Variants in TNNI3K observed in about 807,000 individuals in gnomAD.
The protein encoded by TNNI3K is serine/threonine-protein kinase TNNI3K.
TNNI3K carries 140 observed loss-of-function variants against 114.5 expected under a neutral mutation model. That is an observed-to-expected ratio of 1.22 (90% CI 1.07 to 1.41). The LOEUF (loss-of-function observed/expected upper bound fraction) is 1.41. Among genes scored for constraint, TNNI3K ranks in the 40% most tolerant of loss-of-function variants. The probability of loss-of-function intolerance (pLI) is 0.00; values close to 1 mark genes in which losing one functional copy is unlikely to be tolerated. For missense variants in TNNI3K, 1,125 were observed against 1,007.6 expected (o/e 1.12, Z -1.58); for synonymous variants, 347 against 347.5 (o/e 1.00, Z 0.02).
At chr1:74,516,206 T>G (rs1429750817) in intron 23 of TNNI3K, among the ~76,000 whole-genome samples, 3 of 152,198 alleles carry the variant, frequency 2.0e-5, no homozygotes, top group Non-Finnish European at 4.4e-5. Context: ...AAATTTCCCA[T>G]TAGCCAGGAA....
At chr1:74,377,534 G>T (rs1260048867) in intron 17 of TNNI3K, among the ~76,000 whole-genome samples, 2 of 152,010 alleles carry the variant, frequency 1.3e-5, no homozygotes, top group Non-Finnish European at 2.9e-5. Context: ...CATGGTTTAT[G>T]TAAGTACTAT....
At chr1:74,509,581 A>T (rs1201963258) in intron 23 of TNNI3K, among the ~76,000 whole-genome samples, 2 of 152,180 alleles carry the variant, frequency 1.3e-5, no homozygotes, top group African/African-American at 4.8e-5. Flanking sequence ...AACATAGAGG[A>T]CAATGAATTA....
intron 4 of TNNI3K, among the ~76,000 whole-genome samples, chr1:74,267,080 C>A (rs906550615): frequency 2.0e-5 from 3 of 151,916 alleles, no homozygotes; most frequent in Admixed American, 6.6e-5. Flanking sequence ...CTAGAGAGTG[C>A]ATAAAGGAAA....
chr1:74,289,460 A>C (rs1003921779), intron 5 of TNNI3K, among the ~76,000 whole-genome samples: 1 of 151,928 alleles, frequency 6.6e-6, no homozygotes, highest in Non-Finnish European at 1.5e-5. Flanking sequence ...TCTACAAAAA[A>C]GAAGTCGAAC....
intron 20 of TNNI3K, among the ~76,000 whole-genome samples, chr1:74,442,180 T>G (rs981034098): frequency 2.0e-5 from 3 of 152,038 alleles, no homozygotes; most frequent in African/African-American, 7.2e-5. Context: ...TTTGTTTTTT[T>G]TAATACAGAT....
intron 19 of TNNI3K, among the ~76,000 whole-genome samples, chr1:74,437,867 G>T (rs559277999): frequency 2.6e-5 from 4 of 151,822 alleles, no homozygotes; most frequent in African/African-American, 9.6e-5. Context: ...GACTGATCTT[G>T]AGTTCCTGCA....
chr1:74,316,522 C>T (rs527352702), intron 5 of TNNI3K, among the ~76,000 whole-genome samples: 1 of 152,174 alleles, frequency 6.6e-6, no homozygotes, highest in Non-Finnish European at 1.5e-5. Context: ...ACCTGCTTTT[C>T]TCTACCCGGA....
intron 13 of TNNI3K, among the ~76,000 whole-genome samples, chr1:74,368,169 C>T (rs1314466879): frequency 6.6e-6 from 1 of 151,746 alleles, no homozygotes; most frequent in Non-Finnish European, 1.5e-5. Flanking sequence ...GTGAAAATTT[C>T]ACATAACTAT....
At chr1:74,490,407 AG>A (rs1035513893) in intron 22 of TNNI3K, among the ~76,000 whole-genome samples, 1 of 152,160 alleles carries the variant, frequency 6.6e-6, no homozygotes, top group Non-Finnish European at 1.5e-5. Flanking sequence ...GGTTTGAGTG[AG>A]TTTGCTTCGA....
At chr1:74,414,289 A>T (rs148236575) in intron 17 of TNNI3K, among the ~76,000 whole-genome samples, 1 of 152,234 alleles carries the variant, frequency 6.6e-6, no homozygotes, top group African/African-American at 2.4e-5. Context: ...GTAAGAGTCT[A>T]ATAGTGTTTC....
At chr1:74,394,141 G>A (rs767442478) in intron 17 of TNNI3K, among the ~76,000 whole-genome samples, 64 of 152,292 alleles carry the variant, frequency 4.2e-4, no homozygotes, top group Non-Finnish European at 7.6e-4. Flanking sequence ...CTGGTTCAAG[G>A]TAATGCTATC....
In TNNI3K at chr1:74,250,630, A is replaced by G. The variant is rs781437478; in HGVS notation, c.236-42A>G. 13 of 1,584,940 alleles carry G rather than the reference A, an allele frequency of 8.2e-6. No homozygotes were observed. The South Asian group carries it at 1.3e-4, about 15-fold the overall frequency. On this transcript the variant is annotated intron_variant, in intron 3 of 24. Coordinates refer to ENST00000326637, the MANE Select transcript of TNNI3K (RefSeq NM_015978.3). ...TCAAAAAGAGTCTCAAACTCACCCC[A>G]TCCCCACAATGATTTAGCCTTTTTT...
At chr1:74,418,864 T>C (rs1157250477) in intron 17 of TNNI3K, among the ~76,000 whole-genome samples, 1 of 152,122 alleles carries the variant, frequency 6.6e-6, no homozygotes, top group Non-Finnish European at 1.5e-5. Flanking sequence ...TATGATATGC[T>C]TAGTTGTGGC....
chr1:74,441,766 T>C (rs936748603), intron 20 of TNNI3K, among the ~76,000 whole-genome samples: 1 of 152,142 alleles, frequency 6.6e-6, no homozygotes, highest in Non-Finnish European at 1.5e-5. Context: ...TTTATGTGCT[T>C]GTTTGATATC....
At chr1:74,422,841 G>A (rs199584361) in intron 17 of TNNI3K, among the ~76,000 whole-genome samples, 4 of 152,036 alleles carry the variant, frequency 2.6e-5, no homozygotes, top group African/African-American at 9.7e-5. Flanking sequence ...TATCCACAAT[G>A]TGCTGGATAG....
At chr1:74,480,953 G>T (rs528371539) in intron 21 of TNNI3K, 34 of 714,538 alleles carry the variant, frequency 4.8e-5, no homozygotes, top group Non-Finnish European at 7.6e-5. Flanking sequence ...TAAAACCCTC[G>T]TGGTCATAGG....
chr1:74,385,708 C>G (rs954185196), intron 17 of TNNI3K, among the ~76,000 whole-genome samples: 2 of 152,138 alleles, frequency 1.3e-5, no homozygotes, highest in African/African-American at 2.4e-5. Flanking sequence ...AGAGTTCAGT[C>G]CAAGCACCAT....
chr1:74,326,161 C>T (rs988786745), intron 5 of TNNI3K, among the ~76,000 whole-genome samples: 3 of 151,972 alleles, frequency 2.0e-5, no homozygotes, highest in Non-Finnish European at 4.4e-5. Flanking sequence ...ATTTAATTTC[C>T]AAGTGTAGAT....
At chr1:74,278,652 T>A (rs1357881404) in intron 5 of TNNI3K, among the ~76,000 whole-genome samples, 1 of 152,156 alleles carries the variant, frequency 6.6e-6, no homozygotes, top group Non-Finnish European at 1.5e-5. Flanking sequence ...AATGTACACT[T>A]CAATGGTTTT....
Sources: gnomAD v4.1 joint callset for allele counts (sites outside exome capture counted in the v4.1 genomes callset) on GRCh38, gnomAD v4.1.1 for gene constraint, MANE v1.5 for transcripts, NCBI Gene and HGNC (gene_info 2026-07-23, HGNC 2026-07-21) for gene names.